ZNF385D: variants seen among roughly 807,000 people sequenced by gnomAD.
The protein encoded by ZNF385D is zinc finger protein 659.
In ZNF385D, 15 loss-of-function variants were observed where a neutral mutation model predicts 35.8. That is an observed-to-expected ratio of 0.42 (90% CI 0.28 to 0.64). The LOEUF (loss-of-function observed/expected upper bound fraction) is 0.64. ZNF385D is among the 30% of genes least tolerant of loss of function. The probability of loss-of-function intolerance (pLI) is 0.23; values close to 1 mark genes in which losing one functional copy is unlikely to be tolerated. For missense variants in ZNF385D, 474 were observed against 494.6 expected (o/e 0.96, Z 0.39); for synonymous variants, 212 against 186.8 (o/e 1.13, Z -1.10).
At chr3:22,090,441 T>C (rs909247924) in intron 3 of ZNF385D, among the ~76,000 whole-genome samples, 3 of 152,046 alleles carry the variant, frequency 2.0e-5, no homozygotes, top group African/African-American at 7.2e-5. Context: ...CTTATGGTAA[T>C]AATGATTATT....
At chr3:22,229,037 A>T (rs964222987) in intron 2 of ZNF385D, among the ~76,000 whole-genome samples, 1 of 152,196 alleles carries the variant, frequency 6.6e-6, no homozygotes, top group Admixed American at 6.5e-5. Context: ...CAGGAGGCCT[A>T]TTGTGGGACT....
At chr3:21,930,710 A>G (rs1025601242) in intron 3 of ZNF385D, among the ~76,000 whole-genome samples, 9 of 152,160 alleles carry the variant, frequency 5.9e-5, no homozygotes, top group Non-Finnish European at 4.4e-5. Flanking sequence ...AAGCCAAGGC[A>G]AGTCAGTGAG....
chr3:22,228,888 A>G (rs1266423616), intron 2 of ZNF385D, among the ~76,000 whole-genome samples: 1 of 152,172 alleles, frequency 6.6e-6, no homozygotes, highest in Non-Finnish European at 1.5e-5. Context: ...CCAATTATTC[A>G]GCTTTTGGAC....
rs567893957 is a variant in ZNF385D, at chr3:22,306,638, G to A, written c.106+65812C>T. Among the ~76,000 whole-genome samples the A allele has an allele frequency of 1.8e-4, 27 of 152,234 alleles. No individual in the cohort carries two copies. The South Asian group carries it at 2.7e-3, about 15-fold the overall frequency. On this transcript the variant is annotated intron_variant, in intron 2 of 5. Coordinates refer to the ZNF385D transcript ENST00000494108. The stretch of plus-strand genomic sequence containing the variant: ...TAGCCAGGTGAGGGAGGATTTGAAT[G>A]AGAGGGAAATACTCGCTATGTTTCT...
intron 2 of ZNF385D, among the ~76,000 whole-genome samples, chr3:22,351,931 G>A (rs1338234584): frequency 3.3e-5 from 5 of 152,104 alleles, no homozygotes; most frequent in Admixed American, 2.6e-4. Flanking sequence ...AACTGCTTGT[G>A]TACTTACTCA....
chr3:21,816,840 A>C (rs1355245549), intron 3 of ZNF385D, among the ~76,000 whole-genome samples: 1 of 152,246 alleles, frequency 6.6e-6, no homozygotes, highest in East Asian at 1.9e-4. Flanking sequence ...ACTGCTTGAA[A>C]GTGCATATGG....
chr3:21,586,259 C>A (rs1464560302), intron 2 of ZNF385D, among the ~76,000 whole-genome samples: 1 of 152,098 alleles, frequency 6.6e-6, no homozygotes, highest in African/African-American at 2.4e-5. Flanking sequence ...GTGGGTAGGC[C>A]TGTATTGGCC....
chr3:22,157,813 T>C (rs1198450063), intron 3 of ZNF385D, among the ~76,000 whole-genome samples: 2 of 152,164 alleles, frequency 1.3e-5, no homozygotes, highest in East Asian at 1.9e-4. Context: ...GACTTGTTCA[T>C]ATCTTTGATT....
chr3:21,829,120 G>T (rs1433729838), intron 3 of ZNF385D, among the ~76,000 whole-genome samples: 1 of 152,158 alleles, frequency 6.6e-6, no homozygotes, highest in East Asian at 1.9e-4. Flanking sequence ...TCTGGAGGAG[G>T]CATGATCCTT....
intron 2 of ZNF385D, among the ~76,000 whole-genome samples, chr3:22,264,275 T>C (rs1162612427): frequency 6.6e-6 from 1 of 152,138 alleles, no homozygotes; most frequent in East Asian, 1.9e-4. Context: ...CAGCAGCTAC[T>C]TTTCCTTGAA....
intron 3 of ZNF385D, among the ~76,000 whole-genome samples, chr3:21,758,529 G>T (rs562340104): frequency 6.6e-6 from 1 of 152,274 alleles, no homozygotes; most frequent in East Asian, 1.9e-4. Context: ...TTTTGTGGAT[G>T]GAGCAGGTGA....
intron 2 of ZNF385D, among the ~76,000 whole-genome samples, chr3:22,196,343 GTTTATA>G (rs1227400459): frequency 1.4e-5 from 2 of 147,762 alleles, no homozygotes; most frequent in African/African-American, 4.9e-5. Flanking sequence ...CATATCTTAC[GTTTATA>G]TTTAGAGTGT....
chr3:22,139,878 CGTGAAATAAAAGATA>C (rs1704393599), intron 3 of ZNF385D, among the ~76,000 whole-genome samples: 1 of 151,654 alleles, frequency 6.6e-6, no homozygotes, highest in Non-Finnish European at 1.5e-5. Context: ...TAAATAAAAG[CGTGAAATAAAAGATA>C]GTGAAATATA....
At chr3:22,290,269 C>A (rs1452950397) in intron 2 of ZNF385D, among the ~76,000 whole-genome samples, 1 of 152,090 alleles carries the variant, frequency 6.6e-6, no homozygotes, top group African/African-American at 2.4e-5. Flanking sequence ...TGTGCCTCAG[C>A]TTTACTAACC....
chr3:21,962,022 G>C (rs1040824414), intron 3 of ZNF385D, among the ~76,000 whole-genome samples: 4 of 152,098 alleles, frequency 2.6e-5, no homozygotes, highest in Non-Finnish European at 5.9e-5. Flanking sequence ...TTAATCCTAA[G>C]AGCAACAGAA....
chr3:21,719,699 C>T (rs369415776), intron 1 of ZNF385D, among the ~76,000 whole-genome samples: 2 of 152,310 alleles, frequency 1.3e-5, no homozygotes, highest in East Asian at 1.9e-4. Flanking sequence ...GACTCTCTAG[C>T]GCCAGTCCGA....
At chr3:22,027,063 AC>A (rs1201186745) in intron 3 of ZNF385D, among the ~76,000 whole-genome samples, 1 of 152,174 alleles carries the variant, frequency 6.6e-6, no homozygotes, top group Admixed American at 6.5e-5. Context: ...CATAAGGCCC[AC>A]CCAAAGCAAT....
chr3:21,547,928 TG>T (rs2062434420), intron 3 of ZNF385D, among the ~76,000 whole-genome samples: 1 of 152,060 alleles, frequency 6.6e-6, no homozygotes, highest in Non-Finnish European at 1.5e-5. Context: ...CTTCTTTAGA[TG>T]GAGGAATGAG....
intron 4 of ZNF385D, among the ~76,000 whole-genome samples, chr3:21,458,029 G>C (rs896580918): frequency 6.6e-6 from 1 of 152,032 alleles, no homozygotes; most frequent in Non-Finnish European, 1.5e-5. Flanking sequence ...AGATGCTTAA[G>C]AGAATCAACA....
Sources: gnomAD v4.1 joint callset for allele counts (sites outside exome capture counted in the v4.1 genomes callset) on GRCh38, gnomAD v4.1.1 for gene constraint, MANE v1.5 for transcripts, NCBI Gene and HGNC (gene_info 2026-07-23, HGNC 2026-07-21) for gene names.